The following WFDC1 variants were observed in gnomAD, a reference collection of about 807,000 sequenced individuals.
The protein encoded by WFDC1 is WAP four-disulfide core domain 1.
A neutral mutation model predicts 32.9 loss-of-function variants in WFDC1; 39 were observed. That is an observed-to-expected ratio of 1.19 (90% CI 0.92 to 1.55). WFDC1 has a LOEUF of 1.55. WFDC1 is among the 40% of genes most tolerant of loss of function. WFDC1 has a pLI of 0.00. For missense variants in WFDC1, 386 were observed against 309.5 expected, an observed-to-expected ratio of 1.25 and a Z score of -1.85; for synonymous variants, 184 against 137.4, an observed-to-expected ratio of 1.34 and a Z score of -2.37.
At chr16:84,302,088 G>A (rs148212173) in intron 1 of WFDC1, among the ~76,000 whole-genome samples, 6 of 152,234 alleles carry the variant, frequency 3.9e-5, no homozygotes, top group African/African-American at 9.6e-5. Context: ...GATGAACCTC[G>A]AAGACATGAT....
At chr16:84,318,065 T>C (rs1262958679) in intron 2 of WFDC1, 2 of 543,102 alleles carry the variant, frequency 3.7e-6, no homozygotes, top group Non-Finnish European at 6.7e-6. Flanking sequence ...CAGGGAAGGC[T>C]AGTCCCCAGC....
At chr16:84,315,697 C>G (rs1384022344) in intron 2 of WFDC1, among the ~76,000 whole-genome samples, 3 of 152,172 alleles carry the variant, frequency 2.0e-5, no homozygotes, top group Non-Finnish European at 2.9e-5. Context: ...CAACCTCTAC[C>G]CCAAGTTGTG....
chr16:84,309,008 C>A (rs1016914291), intron 1 of WFDC1, among the ~76,000 whole-genome samples: 79 of 152,316 alleles, frequency 5.2e-4, no homozygotes, highest in African/African-American at 1.8e-3. Flanking sequence ...GATGCTTGCC[C>A]AAGGTCACAC....
chr16:84,307,003 G>C (rs935677359), intron 1 of WFDC1, among the ~76,000 whole-genome samples: 1 of 152,200 alleles, frequency 6.6e-6, no homozygotes, highest in African/African-American at 2.4e-5. Context: ...AGGGAAGGCT[G>C]TATGAGCAGA....
At chr16:84,301,764 C>T (rs779834997) in intron 1 of WFDC1, among the ~76,000 whole-genome samples, 1 of 152,182 alleles carries the variant, frequency 6.6e-6, no homozygotes, top group Non-Finnish European at 1.5e-5. Context: ...ATGAAAAGTC[C>T]ATGAATAGCT....
intron 6 of WFDC1, 152 bp from the exon 7 acceptor site, chr16:84,329,170 T>C (rs1050802811): frequency 1.2e-4 from 18 of 151,624 alleles, no homozygotes; most frequent in African/African-American, 4.2e-4. Context: ...GAAAGGGGCA[T>C]CTTCCTGGTG....
At chr16:84,299,752 A>C (rs888948582) in intron 1 of WFDC1, among the ~76,000 whole-genome samples, 1 of 151,658 alleles carries the variant, frequency 6.6e-6, no homozygotes, top group African/African-American at 2.4e-5. Context: ...CCCTCTAAGC[A>C]CCCCTCCAGG....
chr16:84,310,392 C>CAGCTTCAGT (rs1907540946), intron 1 of WFDC1, among the ~76,000 whole-genome samples: 1 of 152,154 alleles, frequency 6.6e-6, no homozygotes, highest in South Asian at 2.1e-4. Flanking sequence ...GTCATCAAAG[C>CAGCTTCAGT]AGCTTCAGTA....
At chr16:84,296,539 G>A (rs1185108866) in intron 1 of WFDC1, among the ~76,000 whole-genome samples, 4 of 152,152 alleles carry the variant, frequency 2.6e-5, no homozygotes, top group African/African-American at 9.7e-5. Flanking sequence ...GGAGAAGAGG[G>A]AAGGGAGAAT....
chr16:84,308,621 G>C (rs918493092), intron 1 of WFDC1, among the ~76,000 whole-genome samples: 1 of 152,178 alleles, frequency 6.6e-6, no homozygotes, highest in South Asian at 2.1e-4. Context: ...CTAGATGCCA[G>C]CCTGAGTGTA....
chr16:84,313,627 C>G (rs577023712), intron 2 of WFDC1, among the ~76,000 whole-genome samples: 16 of 152,364 alleles, frequency 1.1e-4, no homozygotes, highest in East Asian at 1.9e-4. Context: ...GAGGTGTCCT[C>G]TAGCTTCCCA....
chr16:84,307,434 T>C (rs1336052165), intron 1 of WFDC1, among the ~76,000 whole-genome samples: 2 of 152,212 alleles, frequency 1.3e-5, no homozygotes, highest in Admixed American at 1.3e-4. Context: ...AGTCACGCAG[T>C]AAATAACTCG....
At chr16:84,324,385 T>C in intron 4 of WFDC1, 34 bp from the exon 5 acceptor site, 2 of 1,610,430 alleles carry the variant, frequency 1.2e-6, no homozygotes, top group Non-Finnish European at 1.7e-6. Flanking sequence ...TCTAAACTCC[T>C]AAAAGAAGTT....
chr16:84,326,955 G>A lies in WFDC1; in HGVS notation c.*15G>A. ...ACTTTCAGTAAAGCAACGGCAAGCA[G>A]GTGAGTGGGCAGAGAGCAAGAGTCA... On this transcript the variant is annotated splice_region_variant and 3_prime_UTR_variant, in exon 6 of 7. Coordinates refer to ENST00000219454, the MANE Select transcript of WFDC1 (RefSeq NM_021197.4). 1 of 1,614,108 alleles carries A rather than the reference G, an allele frequency of 6.2e-7. No individual in the cohort carries two copies. Among genetic ancestry groups the A allele is most frequent in the Non-Finnish European group, 8.5e-7 (1 of 1,180,006 alleles).
chr16:84,313,123 G>T lies in WFDC1; in HGVS notation c.307G>T (p.Ala103Ser), dbSNP rs1907743419. 2 of 1,445,466 alleles carry T rather than the reference G, an allele frequency of 1.4e-6. No homozygotes were observed. The highest frequency in any genetic ancestry group is 9.0e-7 in the Non-Finnish European group (1 of 1,108,094). 89.5% of individuals were successfully genotyped at this position (1,445,466 alleles called of 1,614,324 possible). Residue 103 changes from alanine (A) to serine (S), a missense_variant, in exon 2 of 7, where the codon GCC becomes TCC. Physicochemically the swap from Ala to Ser is moderately conservative, Grantham distance 99 (BLOSUM62 1). Coordinates refer to ENST00000219454, the MANE Select transcript of WFDC1 (RefSeq NM_021197.4). ...RRCCYNGCAYACLEAVPPPPV... is the reference protein window; with the variant it reads ...RRCCYNGCAYSCLEAVPPPPV... Reference sequence around the variant, plus strand: ...CTGCTGCTACAACGGATGCGCCTACGCCTGCCTAGAAGCTGTGCCGCCCCC... The same window carrying T: ...CTGCTGCTACAACGGATGCGCCTACTCCTGCCTAGAAGCTGTGCCGCCCCC...
intron 1 of WFDC1, among the ~76,000 whole-genome samples, chr16:84,298,091 T>C (rs1237307263): frequency 6.6e-6 from 1 of 152,122 alleles, no homozygotes; most frequent in African/African-American, 2.4e-5. Context: ...CAAACTAAGT[T>C]ATATAAACTT....
chr16:84,309,976 C>A (rs1263801610), intron 1 of WFDC1, among the ~76,000 whole-genome samples: 1 of 152,054 alleles, frequency 6.6e-6, no homozygotes, highest in African/African-American at 2.4e-5. Flanking sequence ...ATGTCAAGAT[C>A]CTTAACCTAA....
intron 1 of WFDC1, chr16:84,295,877 C>G (rs146802524): frequency 6.6e-6 from 1 of 152,426 alleles, no homozygotes; most frequent in African/African-American, 2.4e-5. Flanking sequence ...TGGGTCGCCA[C>G]TGTTTACCAG....
chr16:84,318,821 G>C (rs551919495), intron 3 of WFDC1: 1 of 216,924 alleles, frequency 4.6e-6, no homozygotes, highest in East Asian at 1.0e-4. Context: ...CTGACTCCAC[G>C]TCCATCTGTG....
Sources: gnomAD v4.1 joint callset for allele counts (sites outside exome capture counted in the v4.1 genomes callset) on GRCh38, gnomAD v4.1.1 for gene constraint, MANE v1.5 for transcripts, NCBI Gene and HGNC (gene_info 2026-07-23, HGNC 2026-07-21) for gene names.